The following STK24 variants were observed in gnomAD, a reference collection of about 807,000 sequenced individuals.
STK24 encodes serine/threonine-protein kinase 24.
A neutral mutation model predicts 55.6 loss-of-function variants in STK24; 21 were observed. The ratio of observed to expected loss-of-function variants is 0.38; its 90% CI spans 0.27 to 0.54. The LOEUF (loss-of-function observed/expected upper bound fraction) is 0.54, where lower values mean the gene tolerates loss of function less well. Among genes scored for constraint, STK24 ranks in the 20% least tolerant of loss-of-function variants. STK24 has a pLI of 0.79. For missense variants in STK24, 383 were observed against 538.4 expected (o/e 0.71, Z 2.86); for synonymous variants, 200 against 215.2 (o/e 0.93, Z 0.62).
intron 1 of STK24, among the ~76,000 whole-genome samples, chr13:98,569,231 A>C (rs1356239423): frequency 6.6e-6 from 1 of 152,194 alleles, no homozygotes; most frequent in Non-Finnish European, 1.5e-5. Flanking sequence ...AAACACCTTT[A>C]AAATTCTGGA....
chr13:98,530,005 A>G (rs1219227885), intron 1 of STK24, among the ~76,000 whole-genome samples: 1 of 152,210 alleles, frequency 6.6e-6, no homozygotes, highest in African/African-American at 2.4e-5. Context: ...TGGAGAAGGA[A>G]GCCGATGTTA....
chr13:98,449,083 GATA>G lies in STK24; in HGVS notation c.*4087_*4089del, dbSNP rs1175006464. 2 of 152,216 alleles carry G rather than the reference GATA, an allele frequency of 1.3e-5. No homozygotes were observed. The highest frequency in any genetic ancestry group is 2.4e-5 in the African/African-American group (1 of 41,440). The allele number at this position is 152,216 out of a possible 1,614,324, so 9.4% of individuals were successfully genotyped here. A position where few individuals can be genotyped will look rare whatever the true frequency, so the allele number is the denominator to read the frequency against. On this transcript the variant is annotated 3_prime_UTR_variant, in exon 11 of 11. Transcript: ENST00000539966. ...CTGTGAGTGGTGTACACAATGGGAA[GATA>G]ATAAGCCGTGGTGTTTTGCTGTCTG...
At chr13:98,458,880 A>T (rs1893581250) in intron 9 of STK24, among the ~76,000 whole-genome samples, 2 of 152,220 alleles carry the variant, frequency 1.3e-5, no homozygotes, top group South Asian at 4.1e-4. Context: ...GGCTTCTACA[A>T]GTATTGTATG....
intron 2 of STK24, among the ~76,000 whole-genome samples, chr13:98,514,171 GA>G (rs1895978321): frequency 6.6e-6 from 1 of 152,224 alleles, no homozygotes; most frequent in South Asian, 2.1e-4. Context: ...GGGTGCATCT[GA>G]AAGTCAATAG....
At chr13:98,491,182 G>A (rs1430834504) in intron 2 of STK24, among the ~76,000 whole-genome samples, 7 of 94,858 alleles carry the variant, frequency 7.4e-5, no homozygotes, top group African/African-American at 2.5e-4. Context: ...GAAGCCCACC[G>A]GACCTACACC....
At position 98,448,457 on chromosome 13, in the gene STK24, C is replaced by T. The variant is rs1227662259; in HGVS notation, c.*4716G>A. The stretch of plus-strand genomic sequence containing the variant: ...CCCAGCAGCTCTCCTGTCTCCACAG[C>T]CGCGTTTTTTAACCCCGACCTCTCA... On this transcript the variant is annotated 3_prime_UTR_variant, in exon 11 of 11. Transcript: ENST00000539966. The T allele has an allele frequency of 2.8e-6, 2 of 704,840 alleles. No individual in the cohort carries two copies. Among genetic ancestry groups the T allele is most frequent in the Non-Finnish European group, 4.9e-6 (2 of 408,006 alleles). 43.7% of individuals were successfully genotyped at this position (704,840 alleles called of 1,614,324 possible).
At chr13:98,539,884 GAC>G (rs1336240403) in intron 1 of STK24, among the ~76,000 whole-genome samples, 6 of 152,060 alleles carry the variant, frequency 3.9e-5, no homozygotes, top group African/African-American at 1.2e-4. Context: ...AAGAGAACAG[GAC>G]ACACAAGTCC....
intron 1 of STK24, among the ~76,000 whole-genome samples, chr13:98,567,652 T>G (rs375307816): frequency 2.6e-5 from 4 of 152,238 alleles, no homozygotes. Flanking sequence ...AGGCACAATC[T>G]CATGATGAAG....
At chr13:98,545,960 G>A (rs916486645) in intron 1 of STK24, among the ~76,000 whole-genome samples, 9 of 152,110 alleles carry the variant, frequency 5.9e-5, no homozygotes, top group African/African-American at 1.4e-4. Context: ...AAAAAAACAT[G>A]AAAGTTTAAA....
chr13:98,576,696 G>A, intron 1 of STK24, 49 bp downstream of exon 1: 4 of 1,433,226 alleles, frequency 2.8e-6, no homozygotes, highest in Non-Finnish European at 3.7e-6. Flanking sequence ...CCAAGTTGCT[G>A]CTTCCGCCCC....
chr13:98,543,684 A>C (rs1010250974), intron 1 of STK24, among the ~76,000 whole-genome samples: 1 of 152,150 alleles, frequency 6.6e-6, no homozygotes, highest in East Asian at 1.9e-4. Context: ...GTGGCCCCCA[A>C]GGATGGTGCT....
chr13:98,456,336 T>C (rs1163197600), intron 10 of STK24: 2 of 369,572 alleles, frequency 5.4e-6, no homozygotes, highest in Admixed American at 6.7e-5. Flanking sequence ...ATCCCCCTCA[T>C]GATCACAGAG....
At chr13:98,486,783 C>T (rs1171122337) in intron 2 of STK24, among the ~76,000 whole-genome samples, 1 of 152,234 alleles carries the variant, frequency 6.6e-6, no homozygotes, top group African/African-American at 2.4e-5. Context: ...TTCAGCCATT[C>T]TTCCTCGTCT....
chr13:98,506,677 C>T (rs1203300094), intron 2 of STK24, among the ~76,000 whole-genome samples: 3 of 152,180 alleles, frequency 2.0e-5, no homozygotes, highest in South Asian at 2.1e-4. Context: ...GCACAGCTAC[C>T]GGCACCAATT....
At chr13:98,482,360 G>A (rs775823341) in intron 2 of STK24, 39 bp from the exon 3 acceptor site, 1 of 1,308,302 alleles carries the variant, frequency 7.6e-7, no homozygotes, top group Non-Finnish European at 1.1e-6. Context: ...TTTTCAAAAT[G>A]AATCCAGGAA....
At chr13:98,526,375 A>T (rs549965820) in intron 1 of STK24, among the ~76,000 whole-genome samples, 11 of 152,326 alleles carry the variant, frequency 7.2e-5, no homozygotes, top group African/African-American at 2.4e-4. Flanking sequence ...GCTCTGGGTC[A>T]GGAGCTTTAC....
At chr13:98,472,846 A>C (rs1353842213) in intron 5 of STK24, among the ~76,000 whole-genome samples, 1 of 152,154 alleles carries the variant, frequency 6.6e-6, no homozygotes, top group Non-Finnish European at 1.5e-5. Context: ...TTTTCTTTCA[A>C]AACACCAATT....
At position 98,447,133 on chromosome 13, in the gene STK24, C is replaced by A; in HGVS notation, c.*6040G>T. The A allele has an allele frequency of 3.5e-6, 1 of 285,944 alleles. No individual in the cohort carries two copies. Among genetic ancestry groups the A allele is most frequent in the Non-Finnish European group, 6.6e-6 (1 of 150,730 alleles). 17.7% of individuals were successfully genotyped at this position (285,944 alleles called of 1,614,324 possible). ...TGAGACTGCCTACATGGTGTAATGG[C>A]AGGGACTGCAGACTTCATTTAGCCA... On this transcript the variant is annotated 3_prime_UTR_variant, in exon 11 of 11. Transcript: ENST00000539966.
intron 7 of STK24, 42 bp downstream of exon 7, chr13:98,463,649 C>T (rs778873089): frequency 6.5e-7 from 1 of 1,550,280 alleles, no homozygotes; most frequent in Non-Finnish European, 8.7e-7. Flanking sequence ...ACCAGCGGAT[C>T]CCTCCCACAC....
Sources: allele counts gnomAD v4.1 joint callset (sites outside exome capture counted in the v4.1 genomes callset), GRCh38; gene constraint gnomAD v4.1.1; transcripts MANE v1.5; gene names NCBI Gene and HGNC (gene_info 2026-07-23, HGNC 2026-07-21).